Variants in CSMD1 observed in about 807,000 individuals in gnomAD.
CSMD1 encodes CUB and Sushi multiple domains 1.
CSMD1 carries 213 observed loss-of-function variants against 417.5 expected under a neutral mutation model. The ratio of observed to expected loss-of-function variants is 0.51; its 90% CI spans 0.46 to 0.57. The LOEUF (loss-of-function observed/expected upper bound fraction) is 0.57. Among genes scored for constraint, CSMD1 ranks in the 20% least tolerant of loss-of-function variants. The pLI is 0.00. For synonymous variants in CSMD1, 2,862 were observed against 1,736.8 expected, an observed-to-expected ratio of 1.65 and a Z score of -16.11; for missense variants, 6,923 against 4,529.7, an observed-to-expected ratio of 1.53 and a Z score of -15.17.
chr8:3,939,882 G>A (rs1016555199), intron 5 of CSMD1, among the ~76,000 whole-genome samples: 4 of 151,968 alleles, frequency 2.6e-5, no homozygotes, highest in African/African-American at 4.8e-5. Context: ...AAGCGGGTGA[G>A]GGAATGAAAG....
intron 1 of CSMD1, among the ~76,000 whole-genome samples, chr8:4,804,786 C>G (rs1191443780): frequency 6.6e-6 from 1 of 152,158 alleles, no homozygotes; most frequent in Non-Finnish European, 1.5e-5. Flanking sequence ...TTACATGATA[C>G]AATTTATTCC....
At chr8:4,438,856 G>C (rs943313313) in intron 2 of CSMD1, among the ~76,000 whole-genome samples, 2 of 152,178 alleles carry the variant, frequency 1.3e-5, no homozygotes, top group Non-Finnish European at 2.9e-5. Flanking sequence ...ATCTGAATCT[G>C]TATCACGTTC....
In CSMD1 at chr8:4,446,433, C is replaced by T. The variant is rs114930553; in HGVS notation, c.303-26368G>A. On this transcript the variant is annotated intron_variant, in intron 2 of 69. Transcript: ENST00000635120. Reference sequence around the variant, plus strand: ...GGTGGTGGTGCACACCTGTAGTCCCCGCTACTCAGGTGGCTGAGGTGGGAC... The same window carrying T: ...GGTGGTGGTGCACACCTGTAGTCCCTGCTACTCAGGTGGCTGAGGTGGGAC... Among the ~76,000 whole-genome samples, 345 of 152,168 alleles carry T rather than the reference C, an allele frequency of 2.3e-3. 3 individuals carry two copies. Among genetic ancestry groups the T allele is most frequent in the Non-Finnish European group, 2.3e-3 (156 of 68,000 alleles).
At chr8:3,635,626 G>A (rs1273010589) in intron 7 of CSMD1, among the ~76,000 whole-genome samples, 2 of 151,316 alleles carry the variant, frequency 1.3e-5, no homozygotes, top group African/African-American at 4.9e-5. Context: ...TGGGACTACA[G>A]GCGCCAGCCA....
At chr8:3,286,459 C>G (rs1014427977) in intron 25 of CSMD1, among the ~76,000 whole-genome samples, 1 of 152,082 alleles carries the variant, frequency 6.6e-6, no homozygotes, top group African/African-American at 2.4e-5. Context: ...TGAAAGTGTT[C>G]CTATTTCTCC....
intron 3 of CSMD1, among the ~76,000 whole-genome samples, chr8:4,213,077 A>C (rs938426221): frequency 6.6e-6 from 1 of 152,182 alleles, no homozygotes; most frequent in South Asian, 2.1e-4. Context: ...CTAATGTCTA[A>C]GATGGAAGAA....
chr8:2,978,533 A>T, intron 55 of CSMD1, 79 bp downstream of exon 55: 3 of 1,167,992 alleles, frequency 2.6e-6, no homozygotes, highest in Non-Finnish European at 3.6e-6. Flanking sequence ...AGTGCCTTTT[A>T]AATATACTTA....
chr8:3,712,460 A>G (rs1253640677), intron 6 of CSMD1, among the ~76,000 whole-genome samples: 2 of 151,996 alleles, frequency 1.3e-5, no homozygotes, highest in African/African-American at 2.4e-5. Context: ...GAGAGAAACT[A>G]GAGCTGCAGG....
intron 4 of CSMD1, among the ~76,000 whole-genome samples, chr8:4,001,046 A>C (rs1585110310): frequency 1.1e-5 from 1 of 92,202 alleles, no homozygotes; most frequent in East Asian, 3.9e-4. Flanking sequence ...CAGAGGGGAA[A>C]ATAAAAAAAG....
rs187278869 is a variant in CSMD1 at position 4,616,369 on chromosome 8, G to A, written c.302+20973C>T. 2.9e-3 allele frequency among the ~76,000 whole-genome samples: 436 copies of A among 152,282 alleles called. 6 individuals carry two copies. The Middle Eastern group carries it at 0.051, about 18-fold the overall frequency. On this transcript the variant is annotated intron_variant, in intron 2 of 69. Transcript: ENST00000635120. ...CTTCTCAAGAACTCTGAGGTCACAT[G>A]GAGATGACCACAACAGGCAAATCGT... is the stretch of plus-strand genomic sequence containing the variant.
At chr8:4,275,764 C>T (rs996688500) in intron 3 of CSMD1, among the ~76,000 whole-genome samples, 15 of 152,086 alleles carry the variant, frequency 9.9e-5, no homozygotes, top group Admixed American at 7.2e-4. Flanking sequence ...ACACTTTAGT[C>T]ACAGAATAAA....
chr8:3,463,064 C>G (rs1816608641), intron 12 of CSMD1, among the ~76,000 whole-genome samples: 1 of 152,228 alleles, frequency 6.6e-6, no homozygotes, highest in Non-Finnish European at 1.5e-5. Context: ...AAATCTGCCA[C>G]TGCCTTGATC....
intron 11 of CSMD1, among the ~76,000 whole-genome samples, chr8:3,490,245 G>C (rs114001629): frequency 0.01 from 1,555 of 152,230 alleles, 26 homozygotes; most frequent in African/African-American, 0.036. Context: ...ATCTCAGTTT[G>C]ATTCAGTTGG....
intron 6 of CSMD1, among the ~76,000 whole-genome samples, chr8:3,710,745 A>C (rs150065749): frequency 1.2e-3 from 187 of 152,230 alleles, no homozygotes; most frequent in African/African-American, 4.4e-3. Flanking sequence ...AACCTTCCAA[A>C]AGCCATCTGA....
intron 1 of CSMD1, among the ~76,000 whole-genome samples, chr8:4,898,608 G>T (rs1015593548): frequency 1.3e-5 from 2 of 152,076 alleles, no homozygotes; most frequent in Non-Finnish European, 2.9e-5. Flanking sequence ...GGCTAATAAC[G>T]ACAGTGTCTG....
intron 2 of CSMD1, among the ~76,000 whole-genome samples, chr8:4,456,397 G>T (rs567191130): frequency 2.0e-5 from 3 of 152,168 alleles, no homozygotes; most frequent in African/African-American, 7.2e-5. Context: ...AGGTATCAAA[G>T]ACAAGATATC....
intron 1 of CSMD1, among the ~76,000 whole-genome samples, chr8:4,800,768 T>A (rs998704659): frequency 1.3e-5 from 2 of 152,136 alleles, no homozygotes; most frequent in African/African-American, 4.8e-5. Context: ...GGCTTTTGGG[T>A]GAGACACCAC....
chr8:3,293,561 C>G (rs1246884102), intron 25 of CSMD1, among the ~76,000 whole-genome samples: 1 of 152,080 alleles, frequency 6.6e-6, no homozygotes, highest in Admixed American at 6.6e-5. Flanking sequence ...TCTCTTCTTG[C>G]TTCATTTCAT....
At chr8:4,166,944 C>A (rs996070359) in intron 3 of CSMD1, among the ~76,000 whole-genome samples, 1 of 152,180 alleles carries the variant, frequency 6.6e-6, no homozygotes, top group Non-Finnish European at 1.5e-5. Flanking sequence ...TCAGTGGCCA[C>A]CATGTCAGAC....
Sources: gnomAD v4.1 joint callset for allele counts (sites outside exome capture counted in the v4.1 genomes callset) on GRCh38, gnomAD v4.1.1 for gene constraint, MANE v1.5 for transcripts, NCBI Gene and HGNC (gene_info 2026-07-23, HGNC 2026-07-21) for gene names.